CDK19: variants seen among roughly 807,000 people sequenced by gnomAD.
The protein encoded by CDK19 is cyclin dependent kinase 19, also known as cyclin-dependent kinase 19.
Under a neutral mutation model 68.3 loss-of-function variants are expected in CDK19, and 20 were observed. The observed-to-expected ratio is 0.29, with a 90% CI of 0.21 to 0.43. CDK19 has a LOEUF of 0.43. CDK19 is among the 20% of genes least tolerant of loss of function. CDK19 has a pLI of 1.00. For missense variants in CDK19, 339 were observed against 623.5 expected, an observed-to-expected ratio of 0.54 and a Z score of 4.86; for synonymous variants, 221 against 222.8, an observed-to-expected ratio of 0.99 and a Z score of 0.07.
intron 1 of CDK19, among the ~76,000 whole-genome samples, chr6:110,771,985 T>C (rs1780044606): frequency 6.6e-6 from 1 of 152,192 alleles, no homozygotes; most frequent in Non-Finnish European, 1.5e-5. Context: ...GCAAAGCCAC[T>C]CAACAAGTCT....
chr6:110,630,687 G>A (rs980395839), intron 6 of CDK19, among the ~76,000 whole-genome samples: 12 of 152,198 alleles, frequency 7.9e-5, no homozygotes, highest in Non-Finnish European at 1.6e-4. Context: ...GGTAGCCTCT[G>A]ATCTGCTGCC....
chr6:110,734,782 G>C (rs186407049), intron 2 of CDK19, among the ~76,000 whole-genome samples: 2 of 149,252 alleles, frequency 1.3e-5, no homozygotes, highest in Admixed American at 1.3e-4. Context: ...TTTCTTGTCT[G>C]TCTCCTCCAA....
intron 2 of CDK19, among the ~76,000 whole-genome samples, chr6:110,697,765 T>C (rs1344698792): frequency 6.6e-6 from 1 of 152,086 alleles, no homozygotes; most frequent in Non-Finnish European, 1.5e-5. Context: ...TTTCAAACTA[T>C]ACTACAAGGC....
At chr6:110,770,769 G>A (rs546046794) in intron 1 of CDK19, among the ~76,000 whole-genome samples, 1 of 152,236 alleles carries the variant, frequency 6.6e-6, no homozygotes, top group East Asian at 1.9e-4. Context: ...AAAATCAAAA[G>A]CAAGCTAGTC....
intron 1 of CDK19, among the ~76,000 whole-genome samples, chr6:110,787,824 G>T (rs1423890658): frequency 6.6e-6 from 1 of 151,654 alleles, no homozygotes; most frequent in Non-Finnish European, 1.5e-5. Flanking sequence ...TCTTGACTGG[G>T]TTTTGCGGTT....
At chr6:110,713,008 C>A (rs1775059433) in intron 2 of CDK19, among the ~76,000 whole-genome samples, 1 of 151,510 alleles carries the variant, frequency 6.6e-6, no homozygotes, top group Non-Finnish European at 1.5e-5. Flanking sequence ...AGGAGATTGG[C>A]CAACATGGTG....
At chr6:110,772,147 C>A (rs1368185300) in intron 1 of CDK19, among the ~76,000 whole-genome samples, 1 of 152,160 alleles carries the variant, frequency 6.6e-6, no homozygotes, top group East Asian at 1.9e-4. Context: ...AGTCCGTTTT[C>A]ATGCTGTTAA....
At chr6:110,670,386 T>C (rs1770895683) in intron 3 of CDK19, 45 bp downstream of exon 3, 1 of 1,020,922 alleles carries the variant, frequency 9.8e-7, no homozygotes, top group Non-Finnish European at 1.6e-6. Context: ...ATATGCTCCA[T>C]ACCTATATAA....
At chr6:110,640,882 A>C (rs1169094037) in intron 4 of CDK19, among the ~76,000 whole-genome samples, 2 of 152,122 alleles carry the variant, frequency 1.3e-5, no homozygotes, top group Non-Finnish European at 2.9e-5. Context: ...GCTTGAGCCC[A>C]GGAGGTCGAG....
chr6:110,755,315 T>G (rs540862385), intron 1 of CDK19, among the ~76,000 whole-genome samples: 16 of 152,152 alleles, frequency 1.1e-4, no homozygotes, highest in African/African-American at 3.6e-4. Context: ...GCTGGGATTA[T>G]AGGCGTGAGC....
At chr6:110,673,984 C>T (rs1466017104) in intron 2 of CDK19, among the ~76,000 whole-genome samples, 1 of 152,130 alleles carries the variant, frequency 6.6e-6, no homozygotes, top group Non-Finnish European at 1.5e-5. Flanking sequence ...TGTGGCAACC[C>T]TGCATCAACC....
Position 110,631,731 on chromosome 6 carries a change from C to T in CDK19, c.646+299G>A, listed in dbSNP as rs539603984. On this transcript the variant is annotated intron_variant, in intron 6 of 12. Transcript: ENST00000368911. Reference sequence around the variant, plus strand: ...AATTCTCAACTTCTCTCCAGTTCTTCTGATCAACAGCTACTAAGTACAAAA... The same window carrying T: ...AATTCTCAACTTCTCTCCAGTTCTTTTGATCAACAGCTACTAAGTACAAAA... Among the ~76,000 whole-genome samples, 19 of 152,332 alleles carry T rather than the reference C, an allele frequency of 1.2e-4. No individual in the cohort carries two copies. In the South Asian group the frequency reaches 3.5e-3, roughly 28 times the overall value.
intron 2 of CDK19, among the ~76,000 whole-genome samples, chr6:110,686,425 A>G (rs1772490422): frequency 6.6e-6 from 1 of 152,210 alleles, no homozygotes; most frequent in Non-Finnish European, 1.5e-5. Context: ...TTAACTATTC[A>G]TCTTCTGGGT....
At chr6:110,805,940 G>A (rs78736269) in intron 1 of CDK19, among the ~76,000 whole-genome samples, 3,073 of 149,380 alleles carry the variant, frequency 0.021, 89 homozygotes, top group African/African-American at 0.073. Context: ...AGCCAAGATC[G>A]TGCCACTGCA....
chr6:110,732,362 G>A (rs1021263505), intron 2 of CDK19, among the ~76,000 whole-genome samples: 3 of 152,072 alleles, frequency 2.0e-5, no homozygotes, highest in African/African-American at 7.2e-5. Flanking sequence ...ATTTAGCTGG[G>A]TATGGTGGTG....
chr6:110,787,357 G>C (rs1041593823), intron 1 of CDK19, among the ~76,000 whole-genome samples: 2 of 149,512 alleles, frequency 1.3e-5, no homozygotes, highest in African/African-American at 4.9e-5. Flanking sequence ...TTGGGTGACA[G>C]AGCAAGGCTC....
At chr6:110,639,479 G>C (rs536506241) in intron 4 of CDK19, among the ~76,000 whole-genome samples, 1 of 152,108 alleles carries the variant, frequency 6.6e-6, no homozygotes, top group Admixed American at 6.5e-5. Context: ...TAAGGATAAA[G>C]AACCATGCCA....
chr6:110,760,705 G>A (rs1779172456), intron 1 of CDK19, among the ~76,000 whole-genome samples: 1 of 152,196 alleles, frequency 6.6e-6, no homozygotes, highest in South Asian at 2.1e-4. Flanking sequence ...TCCAGCCTGG[G>A]CGACAGGGCG....
At chr6:110,677,440 C>T (rs1771622667) in intron 2 of CDK19, among the ~76,000 whole-genome samples, 1 of 151,910 alleles carries the variant, frequency 6.6e-6, no homozygotes, top group Admixed American at 6.6e-5. Context: ...GTGGTGGGCA[C>T]CTGTAGTCCC....
Sources: allele counts gnomAD v4.1 joint callset (sites outside exome capture counted in the v4.1 genomes callset), GRCh38; gene constraint gnomAD v4.1.1; transcripts MANE v1.5; gene names NCBI Gene and HGNC (gene_info 2026-07-23, HGNC 2026-07-21).